The following TBC1D10A variants were observed in gnomAD, a reference collection of about 807,000 sequenced individuals.
The protein encoded by TBC1D10A is TBC1 domain family member 10A.
A neutral mutation model predicts 52.9 loss-of-function variants in TBC1D10A; 24 were observed. The ratio of observed to expected loss-of-function variants is 0.45; its 90% CI spans 0.33 to 0.64. TBC1D10A has a LOEUF of 0.64. Among genes scored for constraint, TBC1D10A ranks in the 30% least tolerant of loss-of-function variants. The pLI is 0.02. For synonymous variants in TBC1D10A, 278 were observed against 282.9 expected (o/e 0.98, Z 0.17); for missense variants, 602 against 687.9 (o/e 0.88, Z 1.40).
In TBC1D10A at chr22:30,292,323, T is replaced by C; in HGVS notation, c.*52A>G. 2 of 1,461,898 alleles carry C rather than the reference T, an allele frequency of 1.4e-6. No individual in the cohort carries two copies. The highest frequency in any genetic ancestry group is 1.8e-6 in the Non-Finnish European group (2 of 1,089,118). 90.6% of individuals were successfully genotyped at this position (1,461,898 alleles called of 1,614,324 possible). A position where few individuals can be genotyped will look rare whatever the true frequency, so the allele number is the denominator to read the frequency against. ...GGGCAGGATGTGGAATGTCAGTTCA[T>C]GAACCGTGTAGTTATATGGAGACCC... is the stretch of plus-strand genomic sequence containing the variant. On this transcript the variant is annotated 3_prime_UTR_variant, in exon 9 of 9. Coordinates refer to ENST00000215790, the MANE Select transcript of TBC1D10A (RefSeq NM_031937.3).
chr22:30,293,579 G>T, intron 8 of TBC1D10A, 72 bp downstream of exon 8: 1 of 1,552,934 alleles, frequency 6.4e-7, no homozygotes, highest in Non-Finnish European at 8.7e-7. Flanking sequence ...CTGAGGGTTA[G>T]CGGGACCCCC....
intron 1 of TBC1D10A, among the ~76,000 whole-genome samples, chr22:30,312,089 C>T (rs899464582): frequency 1.3e-5 from 2 of 152,144 alleles, no homozygotes; most frequent in African/African-American, 2.4e-5. Context: ...GACTGAGTGC[C>T]GCCTGAGACT....
chr22:30,318,933 C>T, intron 1 of TBC1D10A: 1 of 346,620 alleles, frequency 2.9e-6, no homozygotes, highest in Non-Finnish European at 5.7e-6. Flanking sequence ...AACTTTTATG[C>T]AACACAAGAG....
At chr22:30,307,920 G>C (rs1211099263) in intron 1 of TBC1D10A, 1 of 151,992 alleles carries the variant, frequency 6.6e-6, no homozygotes, top group Non-Finnish European at 1.5e-5. Flanking sequence ...TCAGCCTCCC[G>C]AGTAGCTGGG....
Position 30,311,757 on chromosome 22 carries a change from G to A in TBC1D10A, c.210-7127C>T, listed in dbSNP as rs1045107267. Among the ~76,000 whole-genome samples the A allele has an allele frequency of 1.9e-4, 29 of 152,068 alleles. 1 individual carries two copies. The highest frequency in any genetic ancestry group is 3.5e-4 in the Non-Finnish European group (24 of 68,000). ...CTGATGCACTCATCTAGGGAAGGGC[G>A]TAGACCACAGAGAAACTCCCAAGCA... On this transcript the variant is annotated intron_variant, in intron 1 of 8. Transcript: ENST00000215790.
chr22:30,292,568 A>G lies in TBC1D10A; in HGVS notation c.1334T>C (p.Leu445Pro). 1 of 1,613,660 alleles carries G rather than the reference A, an allele frequency of 6.2e-7. No individual in the cohort carries two copies. The highest frequency in any genetic ancestry group is 8.5e-7 in the Non-Finnish European group (1 of 1,179,900). The change falls in exon 9 of 9, where the codon CTG becomes CCG. Residue 445 changes from leucine to proline, a missense_variant. This residue lies in a region of TBC1D10A where 265 missense variants were observed against 275.1 expected (regional missense o/e 0.96). Coordinates refer to ENST00000215790, the MANE Select transcript of TBC1D10A (RefSeq NM_031937.3). ...TTGATTTGGGGCTGGGGGCTTCTCC[A>G]GCTGCCCTCTCCCCTTCATCTGTTT... is the stretch of plus-strand genomic sequence containing the variant. ...QRKQMKGRGQ[L>P]EKPPAPNQAM...
In TBC1D10A at chr22:30,293,709, A is replaced by G. The variant is rs1930004592; in HGVS notation, c.992T>C (p.Ile331Thr). 1 of 1,612,912 alleles carries G rather than the reference A, an allele frequency of 6.2e-7. No homozygotes were observed. Among genetic ancestry groups the G allele is most frequent in the South Asian group, 1.1e-5 (1 of 91,066 alleles). Reference sequence around the variant, plus strand: ...GGGGCTGAGGCTCCGCAGTCGCTCGATGGTCTCGTACTGGCCCTGGCAGGC... The same window carrying G: ...GGGGCTGAGGCTCCGCAGTCGCTCGGTGGTCTCGTACTGGCCCTGGCAGGC... ...VKACQGQYET[I>T]ERLRSLSPKI... The change falls in exon 8 of 9, where the codon ATC becomes ACC. Residue 331 changes from isoleucine (I) to threonine (T), a missense_variant. Around this residue, in one of 3 missense-constraint regions of TBC1D10A, gnomAD observed 265 missense variants for 275.1 expected, o/e 0.96. Transcript: ENST00000215790.
In TBC1D10A at chr22:30,293,903, C is replaced by T. The variant is rs141575157; in HGVS notation, c.895+18G>A. Reference sequence around the variant, plus strand: ...GCTGCTGGGGACAGGGGTGCTCCCCCCAAGCCCAGCCCAGTACCTTCACAG... The same window carrying T: ...GCTGCTGGGGACAGGGGTGCTCCCCTCAAGCCCAGCCCAGTACCTTCACAG... On this transcript the variant is annotated intron_variant, in intron 7 of 8. Transcript: ENST00000215790. The T allele has an allele frequency of 9.3e-6, 15 of 1,607,916 alleles. No individual in the cohort carries two copies. The highest frequency in any genetic ancestry group is 1.7e-4 in the Middle Eastern group (1 of 6,060).
chr22:30,308,488 G>A (rs565605132), intron 1 of TBC1D10A, among the ~76,000 whole-genome samples: 2 of 152,172 alleles, frequency 1.3e-5, no homozygotes, highest in African/African-American at 4.8e-5. Flanking sequence ...TTTAGGAAAC[G>A]AGTTGCCCTT....
intron 6 of TBC1D10A, 65 bp from the exon 7 acceptor site, chr22:30,294,175 C>CCCCAGCACCCAGCA (rs567567879): frequency 1.3e-6 from 2 of 1,567,522 alleles, no homozygotes; most frequent in East Asian, 2.3e-5. Flanking sequence ...AGAGACTACA[C>CCCCAGCACCCAGCA]CCCAGCACCC....
intron 1 of TBC1D10A, 47 bp downstream of exon 1, chr22:30,326,626 C>T (rs1177779944): frequency 1.3e-6 from 2 of 1,542,720 alleles, no homozygotes; most frequent in South Asian, 2.3e-5. Flanking sequence ...GTGTCGAGGC[C>T]CCTCGCGTGG....
At chr22:30,306,981 A>G (rs1385828966) in intron 1 of TBC1D10A, among the ~76,000 whole-genome samples, 1 of 152,230 alleles carries the variant, frequency 6.6e-6, no homozygotes, top group Non-Finnish European at 1.5e-5. Flanking sequence ...GCTGTCTGAT[A>G]TAGAAATCCT....
At chr22:30,316,666 G>C (rs1333242574) in intron 1 of TBC1D10A, among the ~76,000 whole-genome samples, 1 of 152,024 alleles carries the variant, frequency 6.6e-6, no homozygotes, top group Non-Finnish European at 1.5e-5. Flanking sequence ...ATGTTACTCA[G>C]GCTTCAAAAC....
chr22:30,312,947 C>A (rs1286946200), intron 1 of TBC1D10A, among the ~76,000 whole-genome samples: 1 of 152,124 alleles, frequency 6.6e-6, no homozygotes, highest in African/African-American at 2.4e-5. Context: ...ATAACTAGCA[C>A]ACAGAGAAGA....
intron 1 of TBC1D10A, among the ~76,000 whole-genome samples, chr22:30,308,087 C>T (rs1362139647): frequency 6.6e-6 from 1 of 152,256 alleles, no homozygotes; most frequent in Admixed American, 6.5e-5. Flanking sequence ...TGAGCCACAG[C>T]GCCCGGCCCA....
rs201271557 is a variant in TBC1D10A at position 30,292,490 on chromosome 22, G to A, written c.1412C>T (p.Pro471Leu). 5.2e-4 allele frequency: 833 copies of A among 1,607,914 alleles called. 14 individuals are homozygous for A. The South Asian group carries it at 7.3e-3, about 14-fold the overall frequency. ...TGAGTCCTTGGGGGCTGAGTCCTTC[G>A]GGGGCACATGCTGTGGGGGACATGC... ...GDACPPQHVP[P>L]KDSAPKDSAP... The change falls in exon 9 of 9, where the codon CCG (proline) becomes CTG (leucine). Residue 471 changes from proline to leucine, a missense_variant. Physicochemically the swap from Pro to Leu is moderately conservative, Grantham distance 98. Coordinates refer to ENST00000215790, the MANE Select transcript of TBC1D10A (RefSeq NM_031937.3).
chr22:30,316,773 T>A (rs1032187023), intron 1 of TBC1D10A, among the ~76,000 whole-genome samples: 11 of 152,328 alleles, frequency 7.2e-5, no homozygotes, highest in African/African-American at 2.2e-4. Flanking sequence ...GCACAGTGGC[T>A]CATGCCTATA....
chr22:30,318,510 C>T (rs1427759226), intron 1 of TBC1D10A: 2 of 424,290 alleles, frequency 4.7e-6, no homozygotes, highest in Non-Finnish European at 9.6e-6. Context: ...CCTTGGGGAG[C>T]CCAGAGCTGT....
rs1281335261 is a variant in TBC1D10A, at chr22:30,326,928, C to G, written c.-47G>C. Reference sequence around the variant, plus strand: ...AGCTCCAGCGGCCACCTCAGCCGCCCTGCTGCCGCCGACGCCCCGCCCACG... The same window carrying G: ...AGCTCCAGCGGCCACCTCAGCCGCCGTGCTGCCGCCGACGCCCCGCCCACG... On this transcript the variant is annotated 5_prime_UTR_variant, in exon 1 of 9. Coordinates refer to ENST00000215790, the MANE Select transcript of TBC1D10A (RefSeq NM_031937.3). 1 of 1,377,502 alleles carries G rather than the reference C, an allele frequency of 7.3e-7. No individual in the cohort carries two copies. Among genetic ancestry groups the G allele is most frequent in the African/African-American group, 1.5e-5 (1 of 65,596 alleles). The allele number at this position is 1,377,502 out of a possible 1,614,324, so 85.3% of individuals were successfully genotyped here.
Sources: allele counts gnomAD v4.1 joint callset (sites outside exome capture counted in the v4.1 genomes callset), GRCh38; gene constraint gnomAD v4.1.1; regional missense constraint gnomAD v4.1.1; transcripts MANE v1.5; gene names NCBI Gene and HGNC (gene_info 2026-07-23, HGNC 2026-07-21).